Variants in EVC observed in about 807,000 individuals in gnomAD.
EVC encodes the protein evC complex member EVC.
A neutral mutation model predicts 118.9 loss-of-function variants in EVC; 116 were observed. The observed-to-expected ratio is 0.98, with a 90% confidence interval of 0.84 to 1.14. The LOEUF is 1.14. Among genes scored for constraint, EVC ranks in the 50% most tolerant of loss-of-function variants. EVC has a pLI of 0.00. For missense variants in EVC, 1,401 were observed against 1,246.4 expected (o/e 1.12, Z -1.87); for synonymous variants, 619 against 534.7 (o/e 1.16, Z -2.18).
chr4:5,771,967 G>A (rs908398119), intron 11 of EVC, among the ~76,000 whole-genome samples: 1 of 151,616 alleles, frequency 6.6e-6, no homozygotes, highest in African/African-American at 2.4e-5. Context: ...ACATGATCTC[G>A]GCTCACTGCA....
At chr4:5,814,550 G>A (rs919916804), downstream of EVC, among the ~76,000 whole-genome samples, 17 of 152,162 alleles carry the variant, frequency 1.1e-4, no homozygotes, top group African/African-American at 3.6e-4. Context: ...TATGGGCGGC[G>A]TTCCCTGGCT....
At chr4:5,793,280 T>C (rs1336650991) in intron 12 of EVC, among the ~76,000 whole-genome samples, 1 of 152,046 alleles carries the variant, frequency 6.6e-6, no homozygotes, top group African/African-American at 2.4e-5. Context: ...AGAAAAAAAA[T>C]AAATTATTTA....
the EVC span, among the ~76,000 whole-genome samples, chr4:5,819,483 A>T: frequency 6.6e-6 from 1 of 152,206 alleles, no homozygotes; most frequent in Non-Finnish European, 1.5e-5. Flanking sequence ...TGTCCCCTGT[A>T]ACTGTGCCTC....
At chr4:5,825,073 G>A in the EVC span, 3 of 985,296 alleles carry the variant, frequency 3.0e-6, no homozygotes, top group African/African-American at 5.2e-5. The surrounding 1 kb of genome is among the most constrained non-coding windows in gnomAD (Gnocchi z 4.4). Context: ...TTATGAAAGT[G>A]CTTAGTACAC....
intron 12 of EVC, among the ~76,000 whole-genome samples, chr4:5,791,963 G>A (rs1266810076): frequency 1.3e-5 from 2 of 152,182 alleles, no homozygotes; most frequent in South Asian, 2.1e-4. Flanking sequence ...AACCCAATCT[G>A]TTCAGCCTTA....
At chr4:5,780,219 G>A (rs1735371657) in intron 11 of EVC, among the ~76,000 whole-genome samples, 1 of 152,154 alleles carries the variant, frequency 6.6e-6, no homozygotes, top group Non-Finnish European at 1.5e-5. Flanking sequence ...ACATCAAAAA[G>A]CTTATCCACC....
At chr4:5,745,647 A>T (rs1157256591) in intron 7 of EVC, among the ~76,000 whole-genome samples, 2 of 152,244 alleles carry the variant, frequency 1.3e-5, no homozygotes, top group African/African-American at 4.8e-5. Context: ...GCCCTTTGGA[A>T]TAGAGTAGAA....
At position 5,813,811 on chromosome 4, in the gene EVC, G is replaced by C. The variant is rs534871391; in HGVS notation, c.*2774G>C. The C allele has an allele frequency of 6.6e-6, 1 of 152,162 alleles. No homozygotes were observed. The highest frequency in any genetic ancestry group is 1.5e-5 in the Non-Finnish European group (1 of 68,036). 9.4% of individuals were successfully genotyped at this position (152,162 alleles called of 1,614,324 possible). A position where few individuals can be genotyped will look rare whatever the true frequency, so the allele number is the denominator to read the frequency against. On this transcript the variant is annotated 3_prime_UTR_variant, in exon 21 of 21. Coordinates refer to ENST00000264956, the MANE Select transcript of EVC (RefSeq NM_153717.3). ...GCCAAAGGGAACGTGTCATTTGCTC[G>C]ACCCTGGCCCACCCTTGCCGCCCAG...
At chr4:5,753,987 T>G (rs1278817377) in intron 10 of EVC, 54 bp downstream of exon 10, 1 of 1,608,594 alleles carries the variant, frequency 6.2e-7, no homozygotes, top group Non-Finnish European at 8.5e-7. Flanking sequence ...GTAGCTCTGT[T>G]CCCGTGACTG....
At chr4:5,801,671 C>CAAAA (rs35554149) in intron 15 of EVC, 112 of 247,700 alleles carry the variant, frequency 4.5e-4, no homozygotes, top group South Asian at 1.0e-3. Flanking sequence ...GTCTCCATCT[C>CAAAA]AAAAAAAAAA....
In EVC at chr4:5,749,817, G is replaced by A. The variant is rs1730073584; in HGVS notation, c.1098+1511G>A. ...CTCAGCTCCTCAGACCCGTGGGAAA[G>A]CCAAGCCTCAACGGATCTTTGCCTC... On this transcript the variant is annotated intron_variant, in intron 8 of 20. Coordinates refer to ENST00000264956, the MANE Select transcript of EVC (RefSeq NM_153717.3). The surrounding 1 kb of genome is among the most constrained non-coding windows in gnomAD (Gnocchi z 4.4). Among the ~76,000 whole-genome samples, 1 of 152,176 alleles carries A rather than the reference G, an allele frequency of 6.6e-6. No individual in the cohort carries two copies. Among genetic ancestry groups the A allele is most frequent in the Admixed American group, 6.5e-5 (1 of 15,276 alleles).
intron 12 of EVC, among the ~76,000 whole-genome samples, chr4:5,784,986 G>A (rs569549367): frequency 2.4e-4 from 36 of 152,218 alleles, no homozygotes; most frequent in African/African-American, 8.7e-4. Context: ...CACCAAGACA[G>A]CCCACCAGTC....
At chr4:5,720,346 G>A (rs1385857270) in intron 2 of EVC, among the ~76,000 whole-genome samples, 1 of 152,142 alleles carries the variant, frequency 6.6e-6, no homozygotes, top group African/African-American at 2.4e-5. Flanking sequence ...CCATTTTCCA[G>A]ATGAGGAAGC....
chr4:5,805,804 G>A (rs1715777340), intron 17 of EVC, among the ~76,000 whole-genome samples: 1 of 151,854 alleles, frequency 6.6e-6, no homozygotes, highest in Non-Finnish European at 1.5e-5. Flanking sequence ...GGGTGCATGA[G>A]CCCATCTGTG....
At chr4:5,729,877 G>A (rs899723699) in intron 3 of EVC, among the ~76,000 whole-genome samples, 4 of 152,194 alleles carry the variant, frequency 2.6e-5, no homozygotes, top group African/African-American at 9.6e-5. Context: ...AGAGAGGCGA[G>A]TGACCTGAGG....
chr4:5,729,968 C>T (rs1237656507), intron 3 of EVC, among the ~76,000 whole-genome samples: 1 of 152,160 alleles, frequency 6.6e-6, no homozygotes, highest in Admixed American at 6.5e-5. Context: ...CTTCCAGGAG[C>T]CCTCAGCCTG....
intron 19 of EVC, among the ~76,000 whole-genome samples, chr4:5,809,829 G>C (rs1375009390): frequency 6.6e-6 from 1 of 152,174 alleles, no homozygotes; most frequent in East Asian, 1.9e-4. Flanking sequence ...CTTGGGTCTG[G>C]TGTTCACTGG....
intron 2 of EVC, among the ~76,000 whole-genome samples, chr4:5,721,103 CTG>C (rs991611967): frequency 6.6e-6 from 1 of 152,118 alleles, no homozygotes; most frequent in Non-Finnish European, 1.5e-5. Context: ...CTCCCTGTCT[CTG>C]TGTCTCTCTT....
At chr4:5,795,283 G>T (rs1374236711) in intron 13 of EVC, among the ~76,000 whole-genome samples, 5 of 152,108 alleles carry the variant, frequency 3.3e-5, no homozygotes, top group African/African-American at 1.2e-4. Flanking sequence ...CCAGCCCTTT[G>T]CAGAAAACAA....
Sources: allele counts gnomAD v4.1 joint callset (sites outside exome capture counted in the v4.1 genomes callset), GRCh38; gene constraint gnomAD v4.1.1; non-coding constraint Gnocchi (gnomAD v3.1); transcripts MANE v1.5; gene names NCBI Gene and HGNC (gene_info 2026-07-23, HGNC 2026-07-21).